The following NEGR1 variants were observed in gnomAD, a reference collection of about 807,000 sequenced individuals.
NEGR1 encodes the protein neuronal growth regulator 1.
In NEGR1, 10 loss-of-function variants were observed where a neutral mutation model predicts 40.9. The ratio of observed to expected loss-of-function variants is 0.24; its 90% CI spans 0.15 to 0.42. The LOEUF is 0.42. NEGR1 is among the 10% of genes least tolerant of loss of function. The pLI, the probability that NEGR1 is intolerant of heterozygous loss-of-function variation, is 1.00. For synonymous variants in NEGR1, 185 were observed against 166.8 expected, an observed-to-expected ratio of 1.11 and a Z score of -0.84; for missense variants, 352 against 438.9, an observed-to-expected ratio of 0.80 and a Z score of 1.77.
At chr1:72,027,667 TATAA>T (rs1374097638) in intron 1 of NEGR1, among the ~76,000 whole-genome samples, 6 of 152,186 alleles carry the variant, frequency 3.9e-5, no homozygotes, top group Non-Finnish European at 8.8e-5. Context: ...GTTAAAGCTA[TATAA>T]ATAATCATTA....
intron 1 of NEGR1, among the ~76,000 whole-genome samples, chr1:72,079,059 A>G (rs1224368521): frequency 1.4e-5 from 2 of 145,158 alleles, no homozygotes; most frequent in African/African-American, 2.5e-5. Flanking sequence ...AATTTAATAG[A>G]TATATGTCAA....
At chr1:72,035,409 A>G (rs141587462) in intron 1 of NEGR1, among the ~76,000 whole-genome samples, 1 of 152,278 alleles carries the variant, frequency 6.6e-6, no homozygotes, top group Non-Finnish European at 1.5e-5. Flanking sequence ...ATCCTCCATT[A>G]TTTCACTGAC....
At chr1:71,750,761 T>C (rs1655545609) in intron 3 of NEGR1, among the ~76,000 whole-genome samples, 2 of 152,198 alleles carry the variant, frequency 1.3e-5, no homozygotes, top group African/African-American at 2.4e-5. Context: ...ACCATCTTAT[T>C]GTGTATTACT....
intron 1 of NEGR1, among the ~76,000 whole-genome samples, chr1:72,151,543 C>T (rs1000397707): frequency 6.6e-6 from 1 of 151,220 alleles, no homozygotes; most frequent in African/African-American, 2.4e-5. Flanking sequence ...TATTAAAAAC[C>T]CTTTAAAGTT....
At chr1:72,085,968 C>CAAAAAAAAAA (rs36028456) in intron 1 of NEGR1, among the ~76,000 whole-genome samples, 28 of 63,036 alleles carry the variant, frequency 4.4e-4, no homozygotes, top group African/African-American at 1.5e-3. Flanking sequence ...GACTCTGTCT[C>CAAAAAAAAAA]AAAAAAAAAA....
chr1:71,703,481 G>C (rs1471761761), intron 3 of NEGR1: 1 of 139,138 alleles, frequency 7.2e-6, no homozygotes, highest in African/African-American at 2.7e-5. Flanking sequence ...AATAGAAAGA[G>C]ACCTAGAAAT....
chr1:71,673,485 A>G (rs998463380), intron 4 of NEGR1, among the ~76,000 whole-genome samples: 2 of 152,052 alleles, frequency 1.3e-5, no homozygotes, highest in Non-Finnish European at 2.9e-5. Context: ...ATGATTTAAT[A>G]TAAGAGACAG....
intron 6 of NEGR1, among the ~76,000 whole-genome samples, chr1:71,497,833 C>T (rs1646975099): frequency 6.6e-6 from 1 of 152,054 alleles, no homozygotes; most frequent in African/African-American, 2.4e-5. Context: ...TAGAACTTCC[C>T]TTTCCATTTA....
Position 71,935,329 on chromosome 1 carries a change from T to C in NEGR1, c.177-18A>G, listed in dbSNP as rs762615001. On this transcript the variant is annotated intron_variant, in intron 1 of 6. Coordinates refer to ENST00000357731, the MANE Select transcript of NEGR1 (RefSeq NM_173808.3). The stretch of plus-strand genomic sequence containing the variant: ...AATAACACCTACAAATTACAAGAGA[T>C]ACAACACTATTAATCAAAATAAAAA... The C allele has an allele frequency of 3.7e-5, 54 of 1,466,714 alleles. No homozygotes were observed. In the Middle Eastern group the frequency reaches 5.2e-4, roughly 14 times the overall value. 90.9% of individuals were successfully genotyped at this position (1,466,714 alleles called of 1,614,324 possible).
chr1:71,412,478 T>C (rs1646329717), intron 6 of NEGR1, among the ~76,000 whole-genome samples: 1 of 152,208 alleles, frequency 6.6e-6, no homozygotes, highest in African/African-American at 2.4e-5. Context: ...ACTATAAACA[T>C]CTTGAAGTTA....
intron 4 of NEGR1, among the ~76,000 whole-genome samples, chr1:71,672,028 C>T (rs958862767): frequency 5.3e-5 from 8 of 151,736 alleles, no homozygotes; most frequent in African/African-American, 1.9e-4. Flanking sequence ...GCCTTCACAC[C>T]CAGCCCTACT....
intron 2 of NEGR1, among the ~76,000 whole-genome samples, chr1:71,924,777 C>T (rs187515334): frequency 5.1e-4 from 77 of 152,202 alleles, no homozygotes; most frequent in African/African-American, 1.8e-3. Context: ...CTTTTTACTA[C>T]AACACGCATT....
At chr1:71,820,936 C>T (rs1008076079) in intron 2 of NEGR1, among the ~76,000 whole-genome samples, 21 of 152,022 alleles carry the variant, frequency 1.4e-4, no homozygotes, top group Non-Finnish European at 8.8e-5. Context: ...AAGATAACTA[C>T]AAGCTTAACC....
At chr1:72,121,250 A>G (rs1649794862) in intron 1 of NEGR1, among the ~76,000 whole-genome samples, 1 of 152,000 alleles carries the variant, frequency 6.6e-6, no homozygotes, top group African/African-American at 2.4e-5. Flanking sequence ...TAAACCTCCA[A>G]TGTTACTTTT....
chr1:71,604,516 T>C (rs961261931), intron 5 of NEGR1, among the ~76,000 whole-genome samples: 7 of 152,230 alleles, frequency 4.6e-5, no homozygotes, highest in Middle Eastern at 3.4e-3. Flanking sequence ...GTAGTAAATA[T>C]TTAGAATAGA....
chr1:71,742,302 T>G (rs1254935330), intron 3 of NEGR1, among the ~76,000 whole-genome samples: 1 of 152,016 alleles, frequency 6.6e-6, no homozygotes, highest in Non-Finnish European at 1.5e-5. Context: ...ATGACCCCTG[T>G]CAAGTAGAGC....
chr1:72,060,218 C>G (rs1490234995), intron 1 of NEGR1, among the ~76,000 whole-genome samples: 1 of 151,376 alleles, frequency 6.6e-6, no homozygotes, highest in Admixed American at 6.6e-5. Flanking sequence ...GATTTTTTTC[C>G]CTCACACACA....
At chr1:72,229,698 C>T (rs1024562810) in intron 1 of NEGR1, among the ~76,000 whole-genome samples, 11 of 151,512 alleles carry the variant, frequency 7.3e-5, no homozygotes, top group Non-Finnish European at 1.0e-4. Flanking sequence ...ATCTAATGAA[C>T]AAAGTTTCCA....
chr1:72,135,169 G>A (rs1387496799), intron 1 of NEGR1, among the ~76,000 whole-genome samples: 2 of 150,500 alleles, frequency 1.3e-5, no homozygotes, highest in Non-Finnish European at 3.0e-5. Flanking sequence ...GAGGTCAGGA[G>A]ATCGAGACCA....
Sources: gnomAD v4.1 joint callset for allele counts (sites outside exome capture counted in the v4.1 genomes callset) on GRCh38, gnomAD v4.1.1 for gene constraint, MANE v1.5 for transcripts, NCBI Gene and HGNC (gene_info 2026-07-23, HGNC 2026-07-21) for gene names.